MID1: variants seen among roughly 807,000 people sequenced by gnomAD.
MID1 encodes the protein midline 1.
Under a neutral mutation model 40.4 loss-of-function variants are expected in MID1, and 7 were observed. The ratio of observed to expected loss-of-function variants is 0.17; its 90% CI spans 0.10 to 0.33. MID1 has a LOEUF of 0.33. Among genes scored for constraint, MID1 ranks in the 10% least tolerant of loss-of-function variants. The pLI is 1.00. For synonymous variants in MID1, 229 were observed against 221.2 expected, an observed-to-expected ratio of 1.04 and a Z score of -0.31; for missense variants, 367 against 558.5, an observed-to-expected ratio of 0.66 and a Z score of 3.46.
intron 1 of MID1, among the ~76,000 whole-genome samples, chrX:10,591,848 T>C (rs565230278): frequency 9.0e-6 from 1 of 111,081 alleles, no homozygotes; most frequent in African/African-American, 3.3e-5. Context: ...AAAACCTCTA[T>C]TTTTTCCCCC....
At chrX:10,715,640 G>A (rs2043297434) in intron 1 of MID1, among the ~76,000 whole-genome samples, 2 of 112,078 alleles carry the variant, frequency 1.8e-5, no homozygotes, top group African/African-American at 6.5e-5. Flanking sequence ...CCAAACAAAA[G>A]GCAGTAGAAA....
chrX:10,673,840 A>G (rs1368310558), intron 1 of MID1, among the ~76,000 whole-genome samples: 1 of 111,009 alleles, frequency 9.0e-6, no homozygotes, highest in Non-Finnish European at 1.9e-5. Flanking sequence ...AATAATACCT[A>G]TTTTGCAGTA....
chrX:10,680,651 G>A (rs1404911394), intron 1 of MID1, among the ~76,000 whole-genome samples: 2 of 111,071 alleles, frequency 1.8e-5, no homozygotes, highest in African/African-American at 3.3e-5. Context: ...ACTAAACTAC[G>A]TTAAATTGAA....
At chrX:10,694,717 GA>G (rs777323816) in intron 1 of MID1, among the ~76,000 whole-genome samples, 34 of 112,050 alleles carry the variant, frequency 3.0e-4, no homozygotes, top group African/African-American at 1.1e-3. Flanking sequence ...GCTGGATTGC[GA>G]ATTTTACAAA....
chrX:10,655,305 G>A (rs998812468), intron 1 of MID1, among the ~76,000 whole-genome samples: 1 of 111,580 alleles, frequency 9.0e-6, no homozygotes, highest in Non-Finnish European at 1.9e-5. Context: ...TGAGCCACCA[G>A]TATCATCCCC....
chrX:10,618,754 T>A, intron 1 of MID1, among the ~76,000 whole-genome samples: 1 of 111,731 alleles, frequency 9.0e-6, no homozygotes, highest in Non-Finnish European at 1.9e-5. Context: ...CCATGGTTCC[T>A]GAGGAATTGT....
chrX:10,763,998 CTTG>C (rs1197884117), intron 1 of MID1, among the ~76,000 whole-genome samples: 1 of 111,720 alleles, frequency 9.0e-6, no homozygotes, highest in Non-Finnish European at 1.9e-5. Context: ...CCTTCACCCA[CTTG>C]TTGATGGGGT....
chrX:10,652,591 C>T (rs186475358), intron 1 of MID1, among the ~76,000 whole-genome samples: 3 of 111,515 alleles, frequency 2.7e-5, no homozygotes, highest in Non-Finnish European at 3.8e-5. Context: ...CAAGACTCTT[C>T]GTTGGCTCCC....
intron 1 of MID1, among the ~76,000 whole-genome samples, chrX:10,631,800 A>C (rs1489283859): frequency 1.8e-5 from 2 of 112,047 alleles, no homozygotes; most frequent in Non-Finnish European, 3.8e-5. Flanking sequence ...AAGGCACAGG[A>C]ATCCTTAAGA....
intron 1 of MID1, among the ~76,000 whole-genome samples, chrX:10,588,329 T>C (rs1935186450): frequency 9.0e-6 from 1 of 111,527 alleles, no homozygotes; most frequent in Admixed American, 9.5e-5. Flanking sequence ...ATTTTTTTTT[T>C]CCCGTTAGCA....
chrX:10,764,900 A>AT (rs1464737076), intron 1 of MID1, among the ~76,000 whole-genome samples: 1 of 111,717 alleles, frequency 9.0e-6, no homozygotes, highest in Non-Finnish European at 1.9e-5. Flanking sequence ...GGTAATATAT[A>AT]TTTTTCCCAC....
chrX:10,523,335 T>A, intron 2 of MID1, 148 bp from the exon 3 acceptor site: 1 of 470,926 alleles, frequency 2.1e-6, no homozygotes, highest in Non-Finnish European at 3.6e-6. Context: ...TTTATAGATT[T>A]AAACTGGATT....
intron 1 of MID1, among the ~76,000 whole-genome samples, chrX:10,643,733 T>C (rs1275250952): frequency 1.7e-4 from 19 of 111,139 alleles, no homozygotes; most frequent in African/African-American, 5.9e-4. Context: ...CTATTCACAA[T>C]AGCAAAGACT....
At chrX:10,679,468 A>T (rs1050018273) in intron 1 of MID1, among the ~76,000 whole-genome samples, 9 of 112,012 alleles carry the variant, frequency 8.0e-5, no homozygotes, top group African/African-American at 2.9e-4. Context: ...CTATGGTCTG[A>T]GGGCCAAATC....
intron 7 of MID1, 118 bp downstream of exon 7, chrX:10,469,579 T>C (rs768975601): frequency 3.3e-6 from 4 of 1,207,489 alleles, no homozygotes; most frequent in Non-Finnish European, 4.5e-6. Flanking sequence ...GAAAGACAAG[T>C]CAATAAATAT....
chrX:10,637,547 C>T (rs771870653), intron 1 of MID1, among the ~76,000 whole-genome samples: 6 of 108,738 alleles, frequency 5.5e-5, no homozygotes, highest in African/African-American at 1.7e-4. Context: ...ATCGCTTGAA[C>T]CCAGGAGGCA....
intron 1 of MID1, among the ~76,000 whole-genome samples, chrX:10,601,122 A>G (rs1935510762): frequency 8.9e-6 from 1 of 112,789 alleles, no homozygotes; most frequent in African/African-American, 3.2e-5. Context: ...GTTGAGTGTT[A>G]TAATTTAGCC....
intron 1 of MID1, among the ~76,000 whole-genome samples, chrX:10,699,254 AC>A (rs2043180142): frequency 8.9e-6 from 1 of 112,297 alleles, no homozygotes; most frequent in South Asian, 3.7e-4. Flanking sequence ...GGAAGGGGCC[AC>A]CAAGGTGGAT....
chrX:10,456,014 G>A (rs1225491497), intron 8 of MID1, among the ~76,000 whole-genome samples: 1 of 112,419 alleles, frequency 8.9e-6, no homozygotes, highest in Non-Finnish European at 1.9e-5. Context: ...GGCAGGAAAT[G>A]CATTGCAACC....
Sources: allele counts gnomAD v4.1 joint callset (sites outside exome capture counted in the v4.1 genomes callset), GRCh38; gene constraint gnomAD v4.1.1; transcripts MANE v1.5; gene names NCBI Gene and HGNC (gene_info 2026-07-23, HGNC 2026-07-21).